EPHX2: variants seen among roughly 807,000 people sequenced by gnomAD.
EPHX2 encodes the protein epoxide hydrolase 2.
Under a neutral mutation model 78.7 loss-of-function variants are expected in EPHX2, and 74 were observed. The ratio of observed to expected loss-of-function variants is 0.94; its 90% CI spans 0.78 to 1.14. The LOEUF is 1.14. Ranked by LOEUF, EPHX2 falls within the 50% of genes most tolerant of loss-of-function variation. EPHX2 has a pLI of 0.00. For missense variants in EPHX2, 715 were observed against 702.5 expected, an observed-to-expected ratio of 1.02 and a Z score of -0.20; for synonymous variants, 251 against 255.2, an observed-to-expected ratio of 0.98 and a Z score of 0.16.
At chr8:27,498,402 T>C (rs1813650131) in intron 1 of EPHX2, among the ~76,000 whole-genome samples, 1 of 152,134 alleles carries the variant, frequency 6.6e-6, no homozygotes, top group East Asian at 1.9e-4. Context: ...ATGTTCTTGT[T>C]GTATCAAGTT....
chr8:27,514,753 C>T (rs769565232), intron 6 of EPHX2, among the ~76,000 whole-genome samples: 9 of 152,044 alleles, frequency 5.9e-5, no homozygotes, highest in Admixed American at 1.3e-4. Context: ...GGATGTAGCA[C>T]CTTTCCTCTG....
At chr8:27,494,216 C>A (rs1045537215) in intron 1 of EPHX2, among the ~76,000 whole-genome samples, 1 of 152,014 alleles carries the variant, frequency 6.6e-6, no homozygotes, top group Non-Finnish European at 1.5e-5. Context: ...AGTAGGTGCC[C>A]CAGGGGCAGG....
intron 12 of EPHX2, among the ~76,000 whole-genome samples, chr8:27,534,038 C>T (rs531981834): frequency 2.0e-5 from 3 of 152,328 alleles, no homozygotes; most frequent in Non-Finnish European, 4.4e-5. Flanking sequence ...ATGAGGACTG[C>T]TCTCAGTAAA....
chr8:27,530,682 G>A (rs10503812), intron 12 of EPHX2, among the ~76,000 whole-genome samples: 37,672 of 151,368 alleles, frequency 0.25, 6,020 homozygotes, highest in African/African-American at 0.46. Context: ...TTTCACAGCC[G>A]AATAATATAG....
Position 27,522,448 on chromosome 8 carries a change from G to A in EPHX2, c.998G>A (p.Gly333Asp), listed in dbSNP as rs577010576. Residue 333 changes from glycine (G) to aspartate (D), a missense_variant, in exon 11 of 19, where the codon GGC (glycine) becomes GAC (aspartate). Gly to Asp is a moderately conservative substitution (Grantham distance 94, BLOSUM62 -1). Coordinates refer to ENST00000521400, the MANE Select transcript of EPHX2 (RefSeq NM_001979.6). ...KLGLSQAVFI[G>D]HDWGGMLVWY... ...GGCCTCTCTCAAGCAGTGTTCATTG[G>A]CCATGACTGGGGTGGCATGCTGGTG... 3.7e-6 allele frequency: 6 copies of A among 1,613,914 alleles called. No homozygotes were observed. Among genetic ancestry groups the A allele is most frequent in the Non-Finnish European group, 5.1e-6 (6 of 1,179,988 alleles).
chr8:27,512,974 G>C (rs958874852), intron 6 of EPHX2, among the ~76,000 whole-genome samples: 3 of 152,238 alleles, frequency 2.0e-5, no homozygotes, highest in Non-Finnish European at 4.4e-5. Flanking sequence ...GGCTATGGCT[G>C]TGCTGACCTT....
intron 15 of EPHX2, among the ~76,000 whole-genome samples, chr8:27,541,137 A>G (rs1048515355): frequency 5.3e-5 from 8 of 152,078 alleles, no homozygotes; most frequent in African/African-American, 1.9e-4. Flanking sequence ...TGCTAAACCA[A>G]GTTCCCCACC....
At chr8:27,543,892 AG>A (rs1815496046) in intron 17 of EPHX2, 63 bp downstream of exon 17, 3 of 1,549,696 alleles carry the variant, frequency 1.9e-6, no homozygotes, top group Admixed American at 1.7e-5. Context: ...GGGTGCTCAG[AG>A]GGAAGACGGC....
chr8:27,534,023 C>G (rs1415229552), intron 12 of EPHX2, among the ~76,000 whole-genome samples: 2 of 152,208 alleles, frequency 1.3e-5, no homozygotes, highest in African/African-American at 4.8e-5. Flanking sequence ...GCAGCTGTTT[C>G]TGGGATGAGG....
chr8:27,546,901 A>G (rs927626293), downstream of EPHX2, among the ~76,000 whole-genome samples: 13 of 152,218 alleles, frequency 8.5e-5, no homozygotes, highest in Non-Finnish European at 1.6e-4. Context: ...GGCTTTACAG[A>G]AAGCATGGCT....
At chr8:27,543,939 T>C (rs1815498649) in intron 17 of EPHX2, 110 bp downstream of exon 17, 6 of 1,186,684 alleles carry the variant, frequency 5.1e-6, no homozygotes, top group South Asian at 4.2e-5. Flanking sequence ...GATAGGACCA[T>C]GGTTGAAGCA....
At chr8:27,518,886 C>A (rs1193275776) in intron 9 of EPHX2, among the ~76,000 whole-genome samples, 1 of 152,204 alleles carries the variant, frequency 6.6e-6, no homozygotes, top group African/African-American at 2.4e-5. Context: ...AGTGTCTCCC[C>A]CAAAGTCCTA....
chr8:27,519,411 G>C (rs1814568419), intron 9 of EPHX2, among the ~76,000 whole-genome samples: 1 of 152,196 alleles, frequency 6.6e-6, no homozygotes, highest in African/African-American at 2.4e-5. Flanking sequence ...TTGTCCCCAG[G>C]GTGGAACGAG....
chr8:27,497,192 G>A (rs1427721257), intron 1 of EPHX2, among the ~76,000 whole-genome samples: 1 of 152,212 alleles, frequency 6.6e-6, no homozygotes, highest in Non-Finnish European at 1.5e-5. Context: ...TCAGGGTGAT[G>A]ACATGAGCTG....
chr8:27,546,334 C>G (rs2132814749), downstream of EPHX2, among the ~76,000 whole-genome samples: 1 of 152,202 alleles, frequency 6.6e-6, no homozygotes, highest in African/African-American at 2.4e-5. Context: ...GCACAGAGTT[C>G]TAGAACAGTG....
chr8:27,544,736 G>A lies in EPHX2; in HGVS notation c.*214G>A, dbSNP rs56187906. 4.8e-3 allele frequency: 2,800 copies of A among 586,322 alleles called. 52 individuals carry two copies. The highest frequency in any genetic ancestry group is 0.047 in the African/African-American group (2,526 of 53,772). The allele number at this position is 586,322 out of a possible 1,614,324, so 36.3% of individuals were successfully genotyped here. A position where few individuals can be genotyped will look rare whatever the true frequency, so the allele number is the denominator to read the frequency against. On this transcript the variant is annotated 3_prime_UTR_variant, in exon 19 of 19. Coordinates refer to ENST00000521400, the MANE Select transcript of EPHX2 (RefSeq NM_001979.6). ...GAAATCAGGTGTGATTAGTTCTCCA[G>A]GCATGAATGCATCGTCCCTTTATCT...
At chr8:27,516,141 C>T (rs777152973) in intron 7 of EPHX2, among the ~76,000 whole-genome samples, 179 bp from the exon 8 acceptor site, 3 of 152,204 alleles carry the variant, frequency 2.0e-5, no homozygotes, top group Non-Finnish European at 2.9e-5. Context: ...GCCCCACCAC[C>T]GTCCACAGCA....
intron 9 of EPHX2, among the ~76,000 whole-genome samples, chr8:27,519,237 GATAA>G (rs2132752562): frequency 6.6e-6 from 1 of 152,340 alleles, no homozygotes; most frequent in Non-Finnish European, 1.5e-5. Flanking sequence ...CTGATGAATG[GATAA>G]ATAAAATGTG....
chr8:27,511,366 C>A (rs1814238226), intron 5 of EPHX2, among the ~76,000 whole-genome samples: 1 of 152,224 alleles, frequency 6.6e-6, no homozygotes. Context: ...AGTCCAAATT[C>A]TCTCGCTTAG....
Sources: allele counts gnomAD v4.1 joint callset (sites outside exome capture counted in the v4.1 genomes callset), GRCh38; gene constraint gnomAD v4.1.1; transcripts MANE v1.5; gene names NCBI Gene and HGNC (gene_info 2026-07-23, HGNC 2026-07-21).